Variants in OR2M4 observed in about 807,000 individuals in gnomAD.
The protein encoded by OR2M4 is olfactory receptor family 2 subfamily M member 4.
OR2M4 carries 8 observed loss-of-function variants against 13.7 expected under a neutral mutation model. That is an observed-to-expected ratio of 0.58 (90% confidence interval 0.34 to 1.05). The LOEUF is 1.05. Ranked by LOEUF, OR2M4 falls within the 50% of genes least tolerant of loss-of-function variation. The pLI is 0.02. For missense variants in OR2M4, 374 were observed against 381.6 expected (o/e 0.98, Z 0.17); for synonymous variants, 152 against 141.3 (o/e 1.08, Z -0.53).
intron 1 of OR2M4, among the ~76,000 whole-genome samples, chr1:248,233,867 G>A (rs1332340291): frequency 6.6e-6 from 1 of 152,008 alleles, no homozygotes; most frequent in African/African-American, 2.4e-5. Context: ...TGAAAAAAAG[G>A]CGGGGGAGGG....
At position 248,244,522 on chromosome 1, in the gene OR2M4, A is replaced by T. The variant is rs1415381878; in HGVS notation, c.*4658A>T. The T allele has an allele frequency of 6.6e-6, 1 of 152,300 alleles. No individual in the cohort carries two copies. 9.4% of individuals were successfully genotyped at this position (152,300 alleles called of 1,614,324 possible). A position where few individuals can be genotyped will look rare whatever the true frequency, so the allele number is the denominator to read the frequency against. ...AAGGATGTAAAGATGGAAACAATAG[A>T]CACTGTGGACTACCAAATGGGGAAG... On this transcript the variant is annotated 3_prime_UTR_variant, in exon 2 of 2. Transcript: ENST00000641868.
chr1:248,238,046 A>G (rs1182020668), intron 1 of OR2M4, among the ~76,000 whole-genome samples: 1 of 152,240 alleles, frequency 6.6e-6, no homozygotes, highest in Non-Finnish European at 1.5e-5. Context: ...TAAATGCATG[A>G]GGTGATGGTC....
chr1:248,232,646 T>C lies in OR2M4; in HGVS notation c.-20+1066T>C, dbSNP rs141458491. ...CATTAATAATTGGCATAAAATCATA[T>C]GGAAGAATCAAAATAGTTCTAGCAA... On this transcript the variant is annotated intron_variant, in intron 1 of 1. Transcript: ENST00000641868. Among the ~76,000 whole-genome samples the C allele has an allele frequency of 2.0e-3, 312 of 152,224 alleles. 3 individuals carry two copies. The highest frequency in any genetic ancestry group is 0.017 in the Middle Eastern group (5 of 290).
intron 1 of OR2M4, among the ~76,000 whole-genome samples, chr1:248,238,385 TG>T (rs1666578963): frequency 6.6e-6 from 1 of 152,178 alleles, no homozygotes; most frequent in Admixed American, 6.5e-5. Context: ...TGAACTGAAG[TG>T]TACAGGTGTC....
rs1449218544 is a variant in OR2M4, at chr1:248,243,385, C to T, written c.*3521C>T. The T allele has an allele frequency of 6.6e-6, 1 of 152,122 alleles. No homozygotes were observed. The highest frequency in any genetic ancestry group is 1.9e-4 in the East Asian group (1 of 5,194). The allele number at this position is 152,122 out of a possible 1,614,324, so 9.4% of individuals were successfully genotyped here. ...TCGTGTTTCCTGGCATTCGCAGGCA[C>T]GCTGTCCGGTGGGGGTTGAGAGAGA... On this transcript the variant is annotated 3_prime_UTR_variant, in exon 2 of 2. Coordinates refer to ENST00000641868, the MANE Select transcript of OR2M4 (RefSeq NM_017504.2).
chr1:248,231,666 C>T (rs1666504508), intron 1 of OR2M4, 86 bp downstream of exon 1: 1 of 152,080 alleles, frequency 6.6e-6, no homozygotes, highest in South Asian at 2.1e-4. Context: ...TGAGGAAAAT[C>T]ACGAGTTCAT....
At position 248,241,855 on chromosome 1, in the gene OR2M4, A is replaced by G. The variant is rs1666622714; in HGVS notation, c.*1991A>G. On this transcript the variant is annotated 3_prime_UTR_variant, in exon 2 of 2. Coordinates refer to ENST00000641868, the MANE Select transcript of OR2M4 (RefSeq NM_017504.2). ...CTGTGAGCCGAGATCATGCCATTGC[A>G]CTCCAGCCTGGGCAACAAAAGCAAA... 1.3e-5 allele frequency: 2 copies of G among 152,304 alleles called. No homozygotes were observed. The highest frequency in any genetic ancestry group is 4.1e-4 in the South Asian group (2 of 4,830). 9.4% of individuals were successfully genotyped at this position (152,304 alleles called of 1,614,324 possible). A position where few individuals can be genotyped will look rare whatever the true frequency, so the allele number is the denominator to read the frequency against.
chr1:248,238,053 G>A (rs1666575988), intron 1 of OR2M4, among the ~76,000 whole-genome samples: 1 of 152,082 alleles, frequency 6.6e-6, no homozygotes, highest in Non-Finnish European at 1.5e-5. Flanking sequence ...ATGAGGTGAT[G>A]GTCACACTAA....
intron 1 of OR2M4, among the ~76,000 whole-genome samples, chr1:248,232,103 A>G (rs1283913446): frequency 6.6e-6 from 1 of 152,048 alleles, no homozygotes; most frequent in Non-Finnish European, 1.5e-5. Flanking sequence ...GAAGTGATTC[A>G]CTCCCACAAA....
chr1:248,239,058 T>C lies in OR2M4; in HGVS notation c.130T>C (p.Ser44Pro), dbSNP rs1421204194. 6.2e-7 allele frequency: 1 copy of C among 1,614,042 alleles called. No individual in the cohort carries two copies. Among genetic ancestry groups the C allele is most frequent in the Non-Finnish European group, 8.5e-7 (1 of 1,179,998 alleles). The change falls in exon 2 of 2, where the codon TCC (serine) becomes CCC (proline). Residue 44 changes from serine (S) to proline (P), a missense_variant. Ser to Pro is a moderately conservative substitution (Grantham distance 74, BLOSUM62 -1). Coordinates refer to ENST00000641868, the MANE Select transcript of OR2M4 (RefSeq NM_017504.2). ...CTCACTGGCATTGATGGAAAATATT[T>C]CCATGGTTCTCCTCATCTACATAGA... ...IFSLALMENI[S>P]MVLLIYIEKQ...
intron 1 of OR2M4, among the ~76,000 whole-genome samples, chr1:248,237,105 A>G (rs975270979): frequency 2.6e-5 from 4 of 152,200 alleles, no homozygotes; most frequent in East Asian, 1.9e-4. Flanking sequence ...CAGAGACACA[A>G]CAAAAAGGGA....
Position 248,238,970 on chromosome 1 carries a change from G to C in OR2M4, c.42G>C (p.Leu14=). 1.2e-6 allele frequency: 2 copies of C among 1,611,366 alleles called. No individual in the cohort carries two copies. The highest frequency in any genetic ancestry group is 1.7e-6 in the Non-Finnish European group (2 of 1,178,848). Residue 14 remains leucine, a synonymous_variant, in exon 2 of 2, where the codon CTG becomes CTC. Transcript: ENST00000641868. ...ENQTFNSIFI[L]LGIFNHSPTH... is the part of the protein sequence containing the mutation. ...AGACCTTCAACTCCATCTTCATCCT[G>C]CTGGGAATCTTCAATCACAGTCCCA...
chr1:248,239,314 C>T lies in OR2M4; in HGVS notation c.386C>T (p.Pro129Leu), dbSNP rs774769704. 26 of 1,613,914 alleles carry T rather than the reference C, an allele frequency of 1.6e-5. No individual in the cohort carries two copies. Among genetic ancestry groups the T allele is most frequent in the Non-Finnish European group, 2.1e-5 (25 of 1,180,002 alleles). The change falls in exon 2 of 2, where the codon CCT becomes CTT. Residue 129 changes from proline (P) to leucine (L), a missense_variant. By Grantham distance (98) the Pro-to-Leu change is moderately conservative. Coordinates refer to ENST00000641868, the MANE Select transcript of OR2M4 (RefSeq NM_017504.2). ...AYDRYVAICH[P>L]LQYTILMNPK... ...GACCGCTATGTGGCTATATGTCACC[C>T]TCTTCAGTACACCATCCTCATGAAT...
intron 1 of OR2M4, among the ~76,000 whole-genome samples, chr1:248,236,713 T>TA (rs1434310064): frequency 1.3e-5 from 2 of 151,756 alleles, no homozygotes; most frequent in Non-Finnish European, 2.9e-5. Flanking sequence ...ATAGACCCAA[T>TA]AAAAAATGAT....
Position 248,239,124 on chromosome 1 carries a change from C to T in OR2M4, c.196C>T (p.Leu66=). 6.2e-7 allele frequency: 1 copy of T among 1,614,002 alleles called. No homozygotes were observed. Among genetic ancestry groups the T allele is most frequent in the Non-Finnish European group, 8.5e-7 (1 of 1,179,908 alleles). The change falls in exon 2 of 2, where the codon CTG becomes TTG. Residue 66 remains leucine, a synonymous_variant. Coordinates refer to ENST00000641868, the MANE Select transcript of OR2M4 (RefSeq NM_017504.2). ...CCCCATGTACTTCCTCCTCAGTCAA[C>T]TGTCCCTTATGGACCTCATGCTCAT... is the stretch of plus-strand genomic sequence containing the variant. ...HTPMYFLLSQ[L]SLMDLMLICT... is the part of the protein sequence containing the mutation.
At chr1:248,238,474 G>A (rs1442373015) in intron 1 of OR2M4, among the ~76,000 whole-genome samples, 4 of 152,140 alleles carry the variant, frequency 2.6e-5, no homozygotes, top group South Asian at 4.1e-4. Flanking sequence ...AAAAACATGC[G>A]AACAGGAATT....
chr1:248,237,557 G>A (rs1019755634), intron 1 of OR2M4, among the ~76,000 whole-genome samples: 6 of 152,094 alleles, frequency 3.9e-5, no homozygotes, highest in Non-Finnish European at 8.8e-5. Context: ...GGAGGCTGAG[G>A]TGGGAAAATT....
intron 1 of OR2M4, among the ~76,000 whole-genome samples, chr1:248,238,518 A>C (rs1558261641): frequency 6.6e-6 from 1 of 152,198 alleles, no homozygotes; most frequent in African/African-American, 2.4e-5. Flanking sequence ...CTGGAGAAAT[A>C]TTAGGACAGA....
chr1:248,238,405 G>A (rs909584366), intron 1 of OR2M4, among the ~76,000 whole-genome samples: 1 of 152,084 alleles, frequency 6.6e-6, no homozygotes, highest in Non-Finnish European at 1.5e-5. Flanking sequence ...TCCCCAAGGA[G>A]TAATGTCATT....
Sources: allele counts gnomAD v4.1 joint callset (sites outside exome capture counted in the v4.1 genomes callset), GRCh38; gene constraint gnomAD v4.1.1; transcripts MANE v1.5; gene names NCBI Gene and HGNC (gene_info 2026-07-23, HGNC 2026-07-21).